TEKT5: variants seen among roughly 807,000 people sequenced by gnomAD.
TEKT5 encodes tektin-5.
A neutral mutation model predicts 48.7 loss-of-function variants in TEKT5; 52 were observed. The ratio of observed to expected loss-of-function variants is 1.07; its 90% CI spans 0.86 to 1.35. TEKT5 has a LOEUF of 1.35. Among genes scored for constraint, TEKT5 ranks in the 40% most tolerant of loss-of-function variants. The probability of loss-of-function intolerance (pLI) is 0.00; values close to 1 mark genes in which losing one functional copy is unlikely to be tolerated. For missense variants in TEKT5, 831 were observed against 641.6 expected, an observed-to-expected ratio of 1.30 and a Z score of -3.19; for synonymous variants, 318 against 267.6, an observed-to-expected ratio of 1.19 and a Z score of -1.84.
At chr16:10,631,110 G>A (rs1897833449) in intron 6 of TEKT5, among the ~76,000 whole-genome samples, 5 of 150,856 alleles carry the variant, frequency 3.3e-5, no homozygotes. Context: ...ACAAAAATTA[G>A]CGAAGTGTGG....
chr16:10,635,870 T>C lies in TEKT5; in HGVS notation c.1135A>G (p.Arg379Gly). The C allele has an allele frequency of 6.2e-7, 1 of 1,614,136 alleles. No individual in the cohort carries two copies. The highest frequency in any genetic ancestry group is 8.5e-7 in the Non-Finnish European group (1 of 1,180,036). ...GGGCCCTCCTTGGCCATGATGGACC[T>C]TTCCAGCAGCATGATGGTGTTCTCG... ...QAENTIMLLERSIMAKEGPLK... is the reference protein window; with the variant it reads ...QAENTIMLLEGSIMAKEGPLK... The change falls in exon 6 of 7, where the codon AGG (arginine) becomes GGG (glycine). Residue 379 changes from arginine to glycine, a missense_variant. Coordinates refer to ENST00000283025, the MANE Select transcript of TEKT5 (RefSeq NM_144674.2).
chr16:10,639,012 A>G (rs1294387316), intron 5 of TEKT5, among the ~76,000 whole-genome samples: 1 of 152,190 alleles, frequency 6.6e-6, no homozygotes, highest in Non-Finnish European at 1.5e-5. Context: ...GCACCTTCAA[A>G]TCATACTCAA....
At chr16:10,630,395 C>A (rs1264551150) in intron 6 of TEKT5, among the ~76,000 whole-genome samples, 1 of 152,014 alleles carries the variant, frequency 6.6e-6, no homozygotes, top group African/African-American at 2.4e-5. Context: ...ACCACCACAC[C>A]TGGCTAATTA....
chr16:10,631,505 G>A (rs920236209), intron 6 of TEKT5, among the ~76,000 whole-genome samples: 3 of 152,090 alleles, frequency 2.0e-5, no homozygotes, highest in Admixed American at 6.6e-5. Flanking sequence ...GGAGCGGATC[G>A]GGTGGTGTTC....
chr16:10,687,756 CAAAT>C (rs1567236697), intron 3 of TEKT5, among the ~76,000 whole-genome samples: 1 of 152,172 alleles, frequency 6.6e-6, no homozygotes, highest in Non-Finnish European at 1.5e-5. Flanking sequence ...TCGTCTCAAA[CAAAT>C]AAATAAACAA....
At chr16:10,687,505 C>T (rs1898883540) in intron 3 of TEKT5, among the ~76,000 whole-genome samples, 1 of 152,232 alleles carries the variant, frequency 6.6e-6, no homozygotes, top group South Asian at 2.1e-4. Flanking sequence ...CAGCACTCAG[C>T]ACTGTGGGAG....
intron 5 of TEKT5, among the ~76,000 whole-genome samples, chr16:10,660,687 G>A (rs1898352571): frequency 6.6e-6 from 1 of 150,614 alleles, no homozygotes; most frequent in Non-Finnish European, 1.5e-5. Flanking sequence ...GTGTGTGTGT[G>A]TGTGTGTGTG....
rs759806333 is a variant in TEKT5 at position 10,627,608 on chromosome 16, G to T, written c.1433C>A (p.Thr478Asn). Reference protein sequence around the residue: ...CMGMRKTFPCTPRLVGHT With the variant: ...CMGMRKTFPCNPRLVGHT ...TCAGGTGTGGCCCACCAGGCGCGGG[G>T]TGCAGGGGAAGGTCTTACGCATGCC... Residue 478 changes from threonine (T) to asparagine (N), a missense_variant, in exon 7 of 7, where the codon ACC becomes AAC. Physicochemically the swap from Thr to Asn is moderately conservative, Grantham distance 65. Coordinates refer to ENST00000283025, the MANE Select transcript of TEKT5 (RefSeq NM_144674.2). 4.3e-6 allele frequency: 7 copies of T among 1,614,084 alleles called. No homozygotes were observed. In the South Asian group the frequency reaches 4.4e-5, roughly 10 times the overall value.
intron 4 of TEKT5, 78 bp downstream of exon 4, chr16:10,681,915 C>T (rs1170764883): frequency 4.8e-5 from 74 of 1,552,632 alleles, no homozygotes; most frequent in East Asian, 2.5e-4. Flanking sequence ...GATGCCCCTT[C>T]GCCATTCGTT....
At chr16:10,674,963 T>C (rs560709311) in intron 5 of TEKT5, among the ~76,000 whole-genome samples, 9 of 152,148 alleles carry the variant, frequency 5.9e-5, no homozygotes, top group African/African-American at 2.2e-4. Flanking sequence ...TAGCTGGGAT[T>C]ACAGGCAAGC....
At chr16:10,670,634 C>A (rs1288257943) in intron 5 of TEKT5, among the ~76,000 whole-genome samples, 1 of 152,226 alleles carries the variant, frequency 6.6e-6, no homozygotes, top group East Asian at 1.9e-4. Flanking sequence ...TAGAATAACA[C>A]CATGTGAAAT....
At chr16:10,681,377 G>GTCTCTCTCTCTC (rs59484637) in intron 4 of TEKT5, among the ~76,000 whole-genome samples, 1 of 38,780 alleles carries the variant, frequency 2.6e-5, no homozygotes, top group African/African-American at 1.1e-4. Flanking sequence ...TCCACTCTCT[G>GTCTCTCTCTCTC]TCTCTCTCTC....
chr16:10,673,760 C>T (rs1465884831), intron 5 of TEKT5, among the ~76,000 whole-genome samples: 8 of 150,810 alleles, frequency 5.3e-5, no homozygotes, highest in African/African-American at 2.0e-4. Flanking sequence ...AAATGATTCT[C>T]CCGCCTCAGC....
rs1567228358 is a variant in TEKT5, at chr16:10,652,720, CA to C, written c.1087-16803del. 1.2e-4 allele frequency among the ~76,000 whole-genome samples: 12 copies of C among 96,878 alleles called. 1 individual carries two copies. The highest frequency in any genetic ancestry group is 7.9e-4 in the South Asian group (2 of 2,524). 63.6% of individuals were successfully genotyped at this position (96,878 alleles called of 152,430 possible). On this transcript the variant is annotated intron_variant, in intron 5 of 6. Transcript: ENST00000283025. ...ACACACACACACACACACACACACACACACCCTCCAGGCCAGGTAGAGTGAT... is the reference window on the plus strand; with the variant it reads ...ACACACACACACACACACACACACACCACCCTCCAGGCCAGGTAGAGTGAT...
chr16:10,640,902 C>T (rs1897985375), intron 5 of TEKT5, among the ~76,000 whole-genome samples: 1 of 152,152 alleles, frequency 6.6e-6, no homozygotes, highest in Non-Finnish European at 1.5e-5. Flanking sequence ...GTTGTTTCCA[C>T]TTTGGGGCTA....
chr16:10,665,452 G>GA (rs920129389), intron 5 of TEKT5, among the ~76,000 whole-genome samples: 23 of 152,290 alleles, frequency 1.5e-4, no homozygotes, highest in African/African-American at 5.3e-4. Context: ...AAATGAGCTA[G>GA]AAACAGTCTC....
intron 5 of TEKT5, among the ~76,000 whole-genome samples, chr16:10,643,919 G>C (rs1006319212): frequency 1.3e-5 from 2 of 152,082 alleles, no homozygotes; most frequent in African/African-American, 4.8e-5. Flanking sequence ...GCAGGCGCCT[G>C]TAATCCCAAC....
chr16:10,694,539 G>T lies in TEKT5; in HGVS notation c.335C>A (p.Ala112Asp), dbSNP rs1401389432. Reference sequence around the variant, plus strand: ...CATGGAGTCATCCGTCAGCCGGCTGGCCCACAGCCGGGAGGCCTCGGCCCC... The same window carrying T: ...CATGGAGTCATCCGTCAGCCGGCTGTCCCACAGCCGGGAGGCCTCGGCCCC... ...VRGAEASRLWASRLTDDSMRL... is the reference protein window; with the variant it reads ...VRGAEASRLWDSRLTDDSMRL... The change falls in exon 1 of 7, where the codon GCC becomes GAC. Residue 112 changes from alanine to aspartate, a missense_variant. By Grantham distance (126) the Ala-to-Asp change is moderately radical. Coordinates refer to ENST00000283025, the MANE Select transcript of TEKT5 (RefSeq NM_144674.2). The T allele has an allele frequency of 6.2e-7, 1 of 1,606,786 alleles. No individual in the cohort carries two copies. Among genetic ancestry groups the T allele is most frequent in the East Asian group, 2.2e-5 (1 of 44,834 alleles).
chr16:10,654,086 T>C (rs558142125), intron 5 of TEKT5, among the ~76,000 whole-genome samples: 6 of 152,230 alleles, frequency 3.9e-5, no homozygotes, highest in Admixed American at 2.0e-4. Flanking sequence ...GTTCTCACAC[T>C]GTTGTCCAGG....
Sources: allele counts gnomAD v4.1 joint callset (sites outside exome capture counted in the v4.1 genomes callset), GRCh38; gene constraint gnomAD v4.1.1; transcripts MANE v1.5; gene names NCBI Gene and HGNC (gene_info 2026-07-23, HGNC 2026-07-21).